Variants in ARHGAP33 observed in about 807,000 individuals in gnomAD.
ARHGAP33 encodes the protein Rho GTPase activating protein 33, also known as rho GTPase-activating protein 33.
In ARHGAP33, 57 loss-of-function variants were observed where a neutral mutation model predicts 126.2. The observed-to-expected ratio is 0.45, with a 90% CI of 0.36 to 0.56. ARHGAP33 has a LOEUF of 0.56. ARHGAP33 is among the 20% of genes least tolerant of loss of function. The pLI is 0.00. For synonymous variants in ARHGAP33, 711 were observed against 755.0 expected (o/e 0.94, Z 0.95); for missense variants, 1,500 against 1,748.3 (o/e 0.86, Z 2.53).
chr19:35,781,931 G>T (rs377609428), intron 12 of ARHGAP33, among the ~76,000 whole-genome samples: 2 of 151,786 alleles, frequency 1.3e-5, no homozygotes, highest in Non-Finnish European at 2.9e-5. Flanking sequence ...AAGCCTGCAG[G>T]GGGGTGGCCA....
chr19:35,786,846 C>T lies in ARHGAP33; in HGVS notation c.2376C>T (p.Ala792=). 6.3e-7 allele frequency: 1 copy of T among 1,589,278 alleles called. No homozygotes were observed. Among genetic ancestry groups the T allele is most frequent in the Non-Finnish European group, 8.5e-7 (1 of 1,170,928 alleles). The change falls in exon 20 of 21, where the codon GCC becomes GCT. Residue 792 remains alanine (A), a synonymous_variant. Coordinates refer to ENST00000007510, the MANE Select transcript of ARHGAP33 (RefSeq NM_001366178.1). The surrounding 1 kb of genome is among the most constrained non-coding windows in gnomAD (Gnocchi z 7.0). ...RGPTSPASPA[A]LDISEPLAVS... ...CCACCAGCCCCGCCTCGCCTGCTGC[C>T]CTAGACATCTCAGAGCCCCTGGCTG...
In ARHGAP33 at chr19:35,787,437, C is replaced by T. The variant is rs1240185038; in HGVS notation, c.2872C>T (p.His958Tyr). 9.9e-6 allele frequency: 16 copies of T among 1,612,078 alleles called. No homozygotes were observed. The highest frequency in any genetic ancestry group is 1.4e-5 in the Non-Finnish European group (16 of 1,179,238). ...TGGGCCACCTCCCAACTCCCTAGCA[C>T]ACCCGGGTGCCTGGGTCCCGGGACC... ...GSGPPPNSLA[H>Y]PGAWVPGPPP... is the part of the protein sequence containing the mutation. Residue 958 changes from histidine to tyrosine, a missense_variant, in exon 21 of 21, where the codon CAC becomes TAC. Around this residue, in one of 6 missense-constraint regions of ARHGAP33, gnomAD observed 642 missense variants for 634.0 expected, o/e 1.01. Coordinates refer to ENST00000007510, the MANE Select transcript of ARHGAP33 (RefSeq NM_001366178.1).
intron 2 of ARHGAP33, 26 bp downstream of exon 2, chr19:35,777,768 A>G (rs764537904): frequency 1.9e-6 from 3 of 1,613,642 alleles, no homozygotes; most frequent in African/African-American, 1.3e-5. Flanking sequence ...GAAAGGGCTC[A>G]GCTAGGAGCT....
intron 16 of ARHGAP33, 61 bp downstream of exon 16, chr19:35,784,378 G>A: frequency 1.4e-6 from 2 of 1,474,688 alleles, no homozygotes; most frequent in South Asian, 1.4e-5. Flanking sequence ...GCTGCAGGGG[G>A]AGGGCAGGTG....
chr19:35,779,972 G>GA (rs1460000414), intron 6 of ARHGAP33: 2 of 627,146 alleles, frequency 3.2e-6, no homozygotes, highest in South Asian at 3.0e-5. Flanking sequence ...CTTTGGGTGG[G>GA]AGAGTCCTGG....
rs550171327 is a variant in ARHGAP33, at chr19:35,788,261, C to T, written c.3696C>T (p.Leu1232=). Residue 1232 remains leucine, a synonymous_variant, in exon 21 of 21, where the codon CTC becomes CTT. Coordinates refer to ENST00000007510, the MANE Select transcript of ARHGAP33 (RefSeq NM_001366178.1). ...GTCCCTGGGGCCCTCCTGAGCCTCT[C>T]CTGCTCTACAGGGCAGCCCCGCCAG... The part of the protein sequence containing the change: ...VPGPWGPPEP[L]LLYRAAPPAY... The T allele has an allele frequency of 3.1e-6, 5 of 1,610,132 alleles. No individual in the cohort carries two copies. Among genetic ancestry groups the T allele is most frequent in the African/African-American group, 2.7e-5 (2 of 74,770 alleles).
At chr19:35,783,360 A>G (rs576237531) in intron 15 of ARHGAP33, among the ~76,000 whole-genome samples, 9 of 152,368 alleles carry the variant, frequency 5.9e-5, no homozygotes, top group African/African-American at 1.9e-4. Context: ...GGACGGGCGT[A>G]AGATGTACGG....
chr19:35,785,780 G>T, intron 19 of ARHGAP33: 1 of 1,244,250 alleles, frequency 8.0e-7, no homozygotes, highest in Non-Finnish European at 1.0e-6. Flanking sequence ...GCCAGAACTA[G>T]AGCAGCCCCA....
intron 16 of ARHGAP33, 25 bp downstream of exon 16, chr19:35,784,342 C>A (rs761137908): frequency 1.2e-5 from 18 of 1,533,092 alleles, no homozygotes; most frequent in Non-Finnish European, 1.5e-5. Context: ...CCCCTGAGGT[C>A]CTGGCTACTG....
chr19:35,779,194 C>T (rs1408017212), intron 6 of ARHGAP33, 70 bp downstream of exon 6: 9 of 1,253,374 alleles, frequency 7.2e-6, no homozygotes, highest in African/African-American at 3.0e-5. Context: ...GAAGCAGCCT[C>T]GGTGTGTGTG....
chr19:35,785,119 C>G lies in ARHGAP33; in HGVS notation c.1721+13C>G. 6.3e-7 allele frequency: 1 copy of G among 1,590,636 alleles called. No individual in the cohort carries two copies. The highest frequency in any genetic ancestry group is 8.6e-7 in the Non-Finnish European group (1 of 1,165,070). On this transcript the variant is annotated intron_variant, in intron 17 of 20. Coordinates refer to ENST00000007510, the MANE Select transcript of ARHGAP33 (RefSeq NM_001366178.1). ...CACCTGCGGAAAGGTGAGTGGGATG[C>G]TGGGGGTGGCGAGGGGCAGGTGGAG... is the stretch of plus-strand genomic sequence containing the variant.
chr19:35,779,181 C>A, intron 6 of ARHGAP33, 57 bp downstream of exon 6: 1 of 1,361,320 alleles, frequency 7.3e-7, no homozygotes, highest in African/African-American at 1.5e-5. Flanking sequence ...GTCTGAGGGG[C>A]GAGAAGCAGC....
intron 1 of ARHGAP33, 32 bp downstream of exon 1, chr19:35,775,696 G>A: frequency 6.5e-7 from 1 of 1,531,732 alleles, no homozygotes; most frequent in Non-Finnish European, 8.7e-7. Context: ...CAGCCTGTCC[G>A]TCCGGATGTC....
intron 19 of ARHGAP33, 151 bp downstream of exon 19, chr19:35,785,634 T>G: frequency 2.7e-6 from 4 of 1,456,874 alleles, no homozygotes; most frequent in Non-Finnish European, 3.6e-6. Flanking sequence ...GTACAATGAG[T>G]TGGATACAGT....
chr19:35,787,324 G>A lies in ARHGAP33; in HGVS notation c.2759G>A (p.Cys920Tyr). Residue 920 changes from cysteine to tyrosine, a missense_variant, in exon 21 of 21, where the codon TGT becomes TAT. Transcript: ENST00000007510. ...GCCGAGCAACAGAGCCAGCAGGAGT[G>A]TGGGGGCACCCCACCTGCTTCCCAA... ...QVAEQQSQQE[C>Y]GGTPPASQSP... The A allele has an allele frequency of 6.2e-7, 1 of 1,612,216 alleles. No individual in the cohort carries two copies. The highest frequency in any genetic ancestry group is 8.5e-7 in the Non-Finnish European group (1 of 1,179,196).
At chr19:35,785,758 A>C in intron 19 of ARHGAP33, 6 of 1,283,534 alleles carry the variant, frequency 4.7e-6, no homozygotes, top group Admixed American at 3.7e-5. Flanking sequence ...ATGGACACCC[A>C]TGAACCCAGC....
Position 35,780,262 on chromosome 19 carries a change from A to G in ARHGAP33, c.553A>G (p.Ile185Val). 3 of 1,613,954 alleles carry G rather than the reference A, an allele frequency of 1.9e-6. No homozygotes were observed. Among genetic ancestry groups the G allele is most frequent in the Non-Finnish European group, 2.5e-6 (3 of 1,180,018 alleles). ...LLLSEEASLN[I>V]PAVAAAHVIK... ...CCTCAGTGAGGAGGCGTCACTCAAT[A>G]TCCCTGCAGTGGCGGCCGCCCATGT... Residue 185 changes from isoleucine to valine, a missense_variant, in exon 7 of 21, where the codon ATC (isoleucine) becomes GTC (valine). By Grantham distance (29) the Ile-to-Val change is conservative. Around this residue, in one of 6 missense-constraint regions of ARHGAP33, gnomAD observed 75 missense variants for 152.7 expected, o/e 0.49. Coordinates refer to ENST00000007510, the MANE Select transcript of ARHGAP33 (RefSeq NM_001366178.1).
chr19:35,778,822 G>T, intron 5 of ARHGAP33: 1 of 834,060 alleles, frequency 1.2e-6, no homozygotes, highest in Non-Finnish European at 1.8e-6. Context: ...TCCCATGGGA[G>T]GGTCACCATG....
rs188900207 is a variant in ARHGAP33 at position 35,785,017 on chromosome 19, G to A, written c.1632G>A (p.Thr544=). 9.9e-4 allele frequency: 1,532 copies of A among 1,549,988 alleles called. 12 individuals carry two copies. The African/African-American group carries it at 0.019, about 19-fold the overall frequency. ...AGSCPSTRLL[T]LEEAQARTQG... is the part of the protein sequence containing the mutation. ...GCTGCCCCTCCACCCGCCTGCTGAC[G>A]CTGGAGGAAGCCCAGGCACGCACCC... The change falls in exon 17 of 21, where the codon ACG becomes ACA. Residue 544 remains threonine, a synonymous_variant. Transcript: ENST00000007510.
Sources: allele counts gnomAD v4.1 joint callset (sites outside exome capture counted in the v4.1 genomes callset), GRCh38; gene constraint gnomAD v4.1.1; regional missense constraint gnomAD v4.1.1; non-coding constraint Gnocchi (gnomAD v3.1); transcripts MANE v1.5; gene names NCBI Gene and HGNC (gene_info 2026-07-23, HGNC 2026-07-21).